DPP10: variants seen among roughly 807,000 people sequenced by gnomAD.
DPP10 encodes the protein inactive dipeptidyl peptidase 10.
Under a neutral mutation model 120.9 loss-of-function variants are expected in DPP10, and 33 were observed. The observed-to-expected ratio is 0.27, with a 90% CI of 0.21 to 0.37. The LOEUF is 0.37. DPP10 is among the 10% of genes least tolerant of loss of function. DPP10 has a pLI of 1.00. For missense variants in DPP10, 816 were observed against 942.8 expected (o/e 0.87, Z 1.76); for synonymous variants, 337 against 326.1 (o/e 1.03, Z -0.36).
intron 1 of DPP10, among the ~76,000 whole-genome samples, chr2:114,942,478 A>T (rs1225884150): frequency 6.7e-6 from 1 of 149,274 alleles, no homozygotes; most frequent in Non-Finnish European, 1.5e-5. Flanking sequence ...CAATTGGTTC[A>T]TTCCGCATGG....
chr2:115,387,600 A>G (rs1057262989), intron 3 of DPP10, among the ~76,000 whole-genome samples: 1 of 152,182 alleles, frequency 6.6e-6, no homozygotes, highest in African/African-American at 2.4e-5. Flanking sequence ...AGTCACATTG[A>G]AGTATATTTT....
At chr2:115,347,322 C>T (rs943775973) in intron 3 of DPP10, among the ~76,000 whole-genome samples, 1 of 152,124 alleles carries the variant, frequency 6.6e-6, no homozygotes, top group Non-Finnish European at 1.5e-5. Context: ...TTCATCCTGC[C>T]AGATATAAGG....
chr2:115,583,191 A>G (rs912161567), intron 5 of DPP10, among the ~76,000 whole-genome samples: 14 of 152,216 alleles, frequency 9.2e-5, no homozygotes, highest in African/African-American at 2.7e-4. Context: ...ACTAGGAAAC[A>G]AGTTCCTTGA....
At chr2:115,840,849 G>A (rs1037557211) in intron 25 of DPP10, 26 bp downstream of exon 25, 2 of 1,593,472 alleles carry the variant, frequency 1.3e-6, no homozygotes, top group Non-Finnish European at 1.7e-6. Flanking sequence ...AGAAGAACGT[G>A]TTTTCCTGCT....
intron 1 of DPP10, among the ~76,000 whole-genome samples, chr2:115,254,553 A>T (rs1484563170): frequency 6.6e-6 from 1 of 152,216 alleles, no homozygotes; most frequent in Non-Finnish European, 1.5e-5. Flanking sequence ...TCATTCCAAC[A>T]TTAACCCGGA....
intron 1 of DPP10, among the ~76,000 whole-genome samples, chr2:114,643,762 T>C (rs1695890884): frequency 6.6e-6 from 1 of 151,666 alleles, no homozygotes; most frequent in Non-Finnish European, 1.5e-5. Context: ...TGTTTGTTTA[T>C]TTATTTATTG....
At chr2:115,693,051 T>C (rs1461324141) in intron 7 of DPP10, among the ~76,000 whole-genome samples, 1 of 152,090 alleles carries the variant, frequency 6.6e-6, no homozygotes, top group Non-Finnish European at 1.5e-5. Flanking sequence ...ATCATTATGA[T>C]GAAAAAAGGT....
chr2:115,311,884 G>C (rs1018400467), intron 2 of DPP10, among the ~76,000 whole-genome samples: 1 of 151,986 alleles, frequency 6.6e-6, no homozygotes, highest in Non-Finnish European at 1.5e-5. Flanking sequence ...TCCCACCTCA[G>C]CCTCCTGAGT....
At chr2:115,672,644 C>CT (rs148248181) in intron 5 of DPP10, among the ~76,000 whole-genome samples, 2 of 136,284 alleles carry the variant, frequency 1.5e-5, no homozygotes, top group Non-Finnish European at 3.2e-5. Context: ...TTCTTTCTTT[C>CT]TCTCTCTCTT....
chr2:115,249,598 T>G (rs543227486), intron 1 of DPP10, among the ~76,000 whole-genome samples: 1 of 152,256 alleles, frequency 6.6e-6, no homozygotes, highest in Non-Finnish European at 1.5e-5. Flanking sequence ...TAAAACAACT[T>G]GTTAAATGAT....
At chr2:114,870,475 T>C (rs1380510153) in intron 1 of DPP10, among the ~76,000 whole-genome samples, 1 of 151,946 alleles carries the variant, frequency 6.6e-6, no homozygotes, top group African/African-American at 2.4e-5. Flanking sequence ...TAGTAATAAA[T>C]TATTTTATCT....
chr2:114,605,481 C>A (rs376891934), intron 1 of DPP10, among the ~76,000 whole-genome samples: 1 of 152,194 alleles, frequency 6.6e-6, no homozygotes, highest in East Asian at 1.9e-4. Flanking sequence ...TAACACATTT[C>A]TTTAGCTTGT....
At chr2:114,615,006 T>C (rs573502154) in intron 1 of DPP10, among the ~76,000 whole-genome samples, 13 of 152,270 alleles carry the variant, frequency 8.5e-5, no homozygotes, top group African/African-American at 2.4e-4. Context: ...CTAACATATA[T>C]GCACATCTCT....
intron 1 of DPP10, among the ~76,000 whole-genome samples, chr2:114,673,321 A>G (rs1698466909): frequency 6.6e-6 from 1 of 152,180 alleles, no homozygotes; most frequent in African/African-American, 2.4e-5. Context: ...ACATTTGATT[A>G]GTCATAGTAA....
At chr2:115,260,536 A>G (rs1014245869) in intron 1 of DPP10, among the ~76,000 whole-genome samples, 1 of 152,162 alleles carries the variant, frequency 6.6e-6, no homozygotes, top group African/African-American at 2.4e-5. Flanking sequence ...AACAAAGTAG[A>G]TTTACAAGTT....
intron 1 of DPP10, among the ~76,000 whole-genome samples, chr2:115,146,103 C>T (rs1412132669): frequency 2.0e-5 from 3 of 152,092 alleles, no homozygotes; most frequent in African/African-American, 4.8e-5. Flanking sequence ...GTTAAGTACA[C>T]TGCTAGTAAA....
At chr2:115,681,664 GT>G (rs1287130632) in intron 5 of DPP10, among the ~76,000 whole-genome samples, 4 of 151,244 alleles carry the variant, frequency 2.6e-5, no homozygotes, top group South Asian at 2.1e-4. Flanking sequence ...GTGAATTGTG[GT>G]TTTTTTCCCC....
intron 1 of DPP10, among the ~76,000 whole-genome samples, chr2:114,731,891 C>T (rs1676955157): frequency 6.6e-6 from 1 of 152,176 alleles, no homozygotes; most frequent in Admixed American, 6.5e-5. Context: ...GTGATCACTA[C>T]AGCCTCTGAG....
chr2:114,790,614 G>T (rs1415565947), intron 1 of DPP10, among the ~76,000 whole-genome samples: 1 of 151,948 alleles, frequency 6.6e-6, no homozygotes, highest in African/African-American at 2.4e-5. Flanking sequence ...ATAGGATTTG[G>T]GTAGGTAAAG....
Sources: allele counts gnomAD v4.1 joint callset (sites outside exome capture counted in the v4.1 genomes callset), GRCh38; gene constraint gnomAD v4.1.1; transcripts MANE v1.5; gene names NCBI Gene and HGNC (gene_info 2026-07-23, HGNC 2026-07-21).